Variants in SH3BP4 observed in about 807,000 individuals in gnomAD.
SH3BP4 encodes SH3 domain binding protein 4, also known as SH3 domain-binding protein 4.
SH3BP4 carries 33 observed loss-of-function variants against 65.5 expected under a neutral mutation model. The ratio of observed to expected loss-of-function variants is 0.50; its 90% CI spans 0.38 to 0.67. SH3BP4 has a LOEUF of 0.67. SH3BP4 is among the 30% of genes least tolerant of loss of function. The pLI, the probability that SH3BP4 is intolerant of heterozygous loss-of-function variation, is 0.00. For missense variants in SH3BP4, 1,134 were observed against 1,261.4 expected (o/e 0.90, Z 1.53); for synonymous variants, 552 against 545.5 (o/e 1.01, Z -0.17).
intron 1 of SH3BP4, among the ~76,000 whole-genome samples, chr2:234,984,225 G>A (rs1272250388): frequency 6.6e-6 from 1 of 152,106 alleles, no homozygotes; most frequent in Non-Finnish European, 1.5e-5. Context: ...TTGGTGCGGG[G>A]CAGGGTCTCA....
intron 1 of SH3BP4, among the ~76,000 whole-genome samples, chr2:234,960,863 A>G (rs562016621): frequency 6.6e-6 from 1 of 152,252 alleles, no homozygotes; most frequent in African/African-American, 2.4e-5. Flanking sequence ...TAAGAATTAC[A>G]TGGCTCACGT....
At chr2:235,031,191 G>GGA (rs980544925) in intron 2 of SH3BP4, among the ~76,000 whole-genome samples, 4 of 152,272 alleles carry the variant, frequency 2.6e-5, no homozygotes, top group African/African-American at 9.6e-5. Context: ...CCTGAAAAGG[G>GGA]GAGAGGGTGG....
chr2:234,998,249 G>A (rs1220517836), intron 2 of SH3BP4, among the ~76,000 whole-genome samples: 2 of 152,196 alleles, frequency 1.3e-5, no homozygotes, highest in Non-Finnish European at 2.9e-5. Flanking sequence ...CGTGAACCAC[G>A]TGGGCTGGTA....
At chr2:235,006,679 C>T (rs956566472) in intron 2 of SH3BP4, among the ~76,000 whole-genome samples, 3 of 152,168 alleles carry the variant, frequency 2.0e-5, no homozygotes, top group African/African-American at 4.8e-5. Flanking sequence ...TTGGGCTCTC[C>T]GATGAGACTG....
Position 235,014,295 on chromosome 2 carries a change from C to T in SH3BP4, c.-133+18919C>T, listed in dbSNP as rs79490643. ...CCACTCAGCGAGCGTGGAGGCTGGC[C>T]GAGTTTTGTGGTGGAGGCCTCGTCC... On this transcript the variant is annotated intron_variant, in intron 2 of 5. Coordinates refer to ENST00000392011, the MANE Select transcript of SH3BP4 (RefSeq NM_014521.3). 7.4e-3 allele frequency among the ~76,000 whole-genome samples: 1,125 copies of T among 152,232 alleles called. 11 individuals carry two copies. Among genetic ancestry groups the T allele is most frequent in the African/African-American group, 0.024 (977 of 41,532 alleles).
At chr2:234,969,641 A>C (rs1692929039) in intron 1 of SH3BP4, among the ~76,000 whole-genome samples, 1 of 152,120 alleles carries the variant, frequency 6.6e-6, no homozygotes, top group African/African-American at 2.4e-5. Flanking sequence ...CCGCTTTTCC[A>C]CACAGCACAC....
intron 1 of SH3BP4, among the ~76,000 whole-genome samples, chr2:234,986,752 C>T (rs981446415): frequency 2.0e-5 from 3 of 151,862 alleles, no homozygotes; most frequent in Non-Finnish European, 4.4e-5. Context: ...GAAAAGCGAC[C>T]GAGAGGCCAG....
intron 1 of SH3BP4, among the ~76,000 whole-genome samples, chr2:234,961,874 T>G (rs1393841129): frequency 2.7e-5 from 3 of 110,074 alleles, no homozygotes; most frequent in Admixed American, 1.0e-4. Context: ...GGAGGTGGGG[T>G]GGTGGGGGTG....
rs373438646 is a variant in SH3BP4 at position 234,962,371 on chromosome 2, C to T, written c.-207+10201C>T. Among the ~76,000 whole-genome samples the T allele has an allele frequency of 2.6e-5, 4 of 152,252 alleles. No individual in the cohort carries two copies. In the East Asian group the frequency reaches 7.7e-4, roughly 29 times the overall value. On this transcript the variant is annotated intron_variant, in intron 1 of 5. Transcript: ENST00000392011. Reference sequence around the variant, plus strand: ...CAGGCTGGTCTTGAACTCCTGACCTCAAGTGATCTGCCCGCCTTGGCCTCC... The same window carrying T: ...CAGGCTGGTCTTGAACTCCTGACCTTAAGTGATCTGCCCGCCTTGGCCTCC...
chr2:235,039,263 G>A lies in SH3BP4; in HGVS notation c.119-1625G>A, dbSNP rs183003796. 2.4e-3 allele frequency among the ~76,000 whole-genome samples: 361 copies of A among 152,294 alleles called. 2 individuals are homozygous for A. The highest frequency in any genetic ancestry group is 8.4e-3 in the African/African-American group (351 of 41,574). The stretch of plus-strand genomic sequence containing the variant: ...AGCGCATCTCTGTAACCCAGTTAAT[G>A]TAAATGAATAGAAACTGTCTACCTG... On this transcript the variant is annotated intron_variant, in intron 3 of 5. Coordinates refer to ENST00000392011, the MANE Select transcript of SH3BP4 (RefSeq NM_014521.3).
chr2:234,998,002 A>C (rs1056020313), intron 2 of SH3BP4, among the ~76,000 whole-genome samples: 2 of 152,116 alleles, frequency 1.3e-5, no homozygotes, highest in African/African-American at 4.8e-5. Flanking sequence ...GGGCGCCTAT[A>C]GTCCCAGCTA....
In SH3BP4 at chr2:235,041,521, C is replaced by T. The variant is rs1695644566; in HGVS notation, c.752C>T (p.Ser251Phe). 2 of 1,614,160 alleles carry T rather than the reference C, an allele frequency of 1.2e-6. No homozygotes were observed. Among genetic ancestry groups the T allele is most frequent in the East Asian group, 4.5e-5 (2 of 44,882 alleles). The change falls in exon 4 of 6, where the codon TCC (serine) becomes TTC (phenylalanine). Residue 251 changes from serine to phenylalanine, a missense_variant. Ser to Phe is a radical substitution (Grantham distance 155). Transcript: ENST00000392011. The surrounding 1 kb of genome is among the most constrained non-coding windows in gnomAD (Gnocchi z 6.0). ...SKRSYSLSEL[S>F]VLQAKSDAPT... ...CGCTCCTACAGTCTCTCGGAACTCT[C>T]CGTCCTCCAAGCCAAGTCCGATGCT...
intron 1 of SH3BP4, among the ~76,000 whole-genome samples, chr2:234,961,644 A>G (rs976629915): frequency 1.3e-5 from 2 of 152,092 alleles, no homozygotes; most frequent in African/African-American, 4.8e-5. Context: ...TCTTGTGTAC[A>G]TGTACCATAG....
At chr2:234,992,063 T>C (rs532362436) in intron 1 of SH3BP4, among the ~76,000 whole-genome samples, 4 of 152,324 alleles carry the variant, frequency 2.6e-5, no homozygotes, top group African/African-American at 7.2e-5. Flanking sequence ...GAAGGAAAGC[T>C]CCAGAGGGCT....
At chr2:234,962,361 C>T (rs1248586864) in intron 1 of SH3BP4, among the ~76,000 whole-genome samples, 1 of 152,136 alleles carries the variant, frequency 6.6e-6, no homozygotes, top group Non-Finnish European at 1.5e-5. Flanking sequence ...TGGTCTTGAA[C>T]TCCTGACCTC....
rs7567865 is a variant in SH3BP4 at position 234,981,221 on chromosome 2, C to T, written c.-206-14082C>T. ...GCATTCCTAGTCCTGGCCTGTGTGTCCTGGTCTTTGGGTCATGGACTGGTG... is the reference window on the plus strand; with the variant it reads ...GCATTCCTAGTCCTGGCCTGTGTGTTCTGGTCTTTGGGTCATGGACTGGTG... On this transcript the variant is annotated intron_variant, in intron 1 of 5. Transcript: ENST00000392011. 3.9e-3 allele frequency among the ~76,000 whole-genome samples: 599 copies of T among 152,274 alleles called. 1 individual carries two copies. The highest frequency in any genetic ancestry group is 0.014 in the African/African-American group (565 of 41,538).
In SH3BP4 at chr2:235,041,990, C is replaced by G; in HGVS notation, c.1221C>G (p.Ser407Arg). The change falls in exon 4 of 6, where the codon AGC becomes AGG. Residue 407 changes from serine to arginine, a missense_variant. Transcript: ENST00000392011. This position sits in a 1 kb window ranked among gnomAD's most constrained non-coding sequence, Gnocchi z 6.0. ...CCGAGATAAAAAATGACCTTTTTAG[C>G]AAAAGCACAGTGGGCCTCCAGTGCC... Reference protein sequence around the residue: ...VSAEIKNDLFSKSTVGLQCLR... With the variant: ...VSAEIKNDLFRKSTVGLQCLR... The G allele has an allele frequency of 6.2e-7, 1 of 1,613,470 alleles. No individual in the cohort carries two copies. The highest frequency in any genetic ancestry group is 1.1e-5 in the South Asian group (1 of 91,074).
At position 235,033,222 on chromosome 2, in the gene SH3BP4, C is replaced by T. The variant is rs922732562; in HGVS notation, c.-132-1649C>T. Reference sequence around the variant, plus strand: ...GCTCATCTCTCACGGTTCCAGAGGCCGGAAGTCAAAAGTCAAGGCTCTGGC... The same window carrying T: ...GCTCATCTCTCACGGTTCCAGAGGCTGGAAGTCAAAAGTCAAGGCTCTGGC... On this transcript the variant is annotated intron_variant, in intron 2 of 5. Coordinates refer to ENST00000392011, the MANE Select transcript of SH3BP4 (RefSeq NM_014521.3). This position sits in a 1 kb window ranked among gnomAD's most constrained non-coding sequence, Gnocchi z 5.7. 4.6e-5 allele frequency among the ~76,000 whole-genome samples: 7 copies of T among 152,162 alleles called. No individual in the cohort carries two copies. Among genetic ancestry groups the T allele is most frequent in the African/African-American group, 7.2e-5 (3 of 41,438 alleles).
At chr2:234,986,653 G>T (rs1197713908) in intron 1 of SH3BP4, among the ~76,000 whole-genome samples, 1 of 151,990 alleles carries the variant, frequency 6.6e-6, no homozygotes, top group African/African-American at 2.4e-5. Flanking sequence ...CTGATCTCGG[G>T]TGAGTCTTTG....
Sources: gnomAD v4.1 joint callset for allele counts (sites outside exome capture counted in the v4.1 genomes callset) on GRCh38, gnomAD v4.1.1 for gene constraint, Gnocchi (gnomAD v3.1) non-coding constraint, MANE v1.5 for transcripts, NCBI Gene and HGNC (gene_info 2026-07-23, HGNC 2026-07-21) for gene names.